POMGNT1: variants seen among roughly 807,000 people sequenced by gnomAD.
The protein encoded by POMGNT1 is protein O-linked-mannose beta-1,2-N-acetylglucosaminyltransferase 1.
Under a neutral mutation model 95.6 loss-of-function variants are expected in POMGNT1, and 67 were observed. That is an observed-to-expected ratio of 0.70 (90% CI 0.58 to 0.86). The LOEUF (loss-of-function observed/expected upper bound fraction) is 0.86. POMGNT1 is among the 40% of genes least tolerant of loss of function. POMGNT1 has a pLI of 0.00. For missense variants in POMGNT1, 719 were observed against 855.2 expected (o/e 0.84, Z 1.99); for synonymous variants, 298 against 317.9 (o/e 0.94, Z 0.66).
chr1:46,197,364 T>C (rs750593442), intron 2 of POMGNT1: 17 of 1,480,914 alleles, frequency 1.1e-5, no homozygotes, highest in Non-Finnish European at 1.5e-5. Context: ...CCCTCCATTG[T>C]TGGTTTCTAG....
At chr1:46,206,550 C>A (rs138209775) in intron 1 of POMGNT1, among the ~76,000 whole-genome samples, 2 of 152,266 alleles carry the variant, frequency 1.3e-5, no homozygotes, top group East Asian at 3.9e-4. Context: ...CTCTCCTGAG[C>A]TGTTTATCCT....
rs1027415099 is a variant in POMGNT1, at chr1:46,193,589, G to A, written c.1001C>T (p.Thr334Ile). 1.2e-6 allele frequency: 2 copies of A among 1,614,170 alleles called. No homozygotes were observed. The highest frequency in any genetic ancestry group is 1.7e-6 in the Non-Finnish European group (2 of 1,180,022). ...CTCATAGTAGCCGTCAATGAAAACT[G>A]TTATCATCTGAGGAGACACCCCCTG... ...SAQGVSPQMI[T>I]VFIDGYYEEP... The change falls in exon 11 of 22, where the codon ACA becomes ATA. Residue 334 changes from threonine (T) to isoleucine (I), a missense_variant. By Grantham distance (89) the Thr-to-Ile change is moderately conservative. Around this residue, in one of 5 missense-constraint regions of POMGNT1, gnomAD observed 466 missense variants for 517.4 expected, o/e 0.90. Coordinates refer to ENST00000371984, the MANE Select transcript of POMGNT1 (RefSeq NM_017739.4).
upstream of POMGNT1, among the ~76,000 whole-genome samples, chr1:46,201,453 A>C (rs907664714): frequency 6.6e-6 from 1 of 152,080 alleles, no homozygotes; most frequent in African/African-American, 2.4e-5. Flanking sequence ...TAATCCCAGC[A>C]CTTTGGGAGG....
intron 1 of POMGNT1, among the ~76,000 whole-genome samples, chr1:46,207,848 A>G (rs1228823886): frequency 6.9e-6 from 1 of 144,244 alleles, no homozygotes; most frequent in Non-Finnish European, 1.5e-5. Flanking sequence ...TGAACTTTTC[A>G]TTTTTAAATT....
At position 46,198,418 on chromosome 1, in the gene POMGNT1, A is replaced by T. The variant is rs1390501175; in HGVS notation, c.-133T>A. ...GCTCGCCGCGGCCTCCGCCTCCTCC[A>T]TGCCGCTTGCGGCCCCGCCCCGGCC... On this transcript the variant is annotated 5_prime_UTR_variant, in exon 1 of 22. The change abolishes an upstream ATG in the 5' untranslated region. Coordinates refer to ENST00000371984, the MANE Select transcript of POMGNT1 (RefSeq NM_017739.4). 6.7e-6 allele frequency: 1 copy of T among 150,036 alleles called. No homozygotes were observed. Among genetic ancestry groups the T allele is most frequent in the Non-Finnish European group, 1.5e-5 (1 of 67,162 alleles). The allele number at this position is 150,036 out of a possible 1,614,324, so 9.3% of individuals were successfully genotyped here.
chr1:46,193,315 C>T lies in POMGNT1; in HGVS notation c.1100G>A (p.Arg367His), dbSNP rs762972459. The change falls in exon 12 of 22, where the codon CGC (arginine) becomes CAC (histidine). Residue 367 changes from arginine (R) to histidine (H), a missense_variant. By Grantham distance (29) the Arg-to-His change is conservative. Around this residue, in one of 5 missense-constraint regions of POMGNT1, gnomAD observed 466 missense variants for 517.4 expected, o/e 0.90. Coordinates refer to ENST00000371984, the MANE Select transcript of POMGNT1 (RefSeq NM_017739.4). The stretch of plus-strand genomic sequence containing the variant: ...TTGCCTATGCAGTACCTGAGACACG[C>T]GGGCATTCTTGATGCTGATGGGAGT... ...QHTPISIKNA[R>H]VSQHYKASLT... 9.9e-6 allele frequency: 16 copies of T among 1,613,610 alleles called. No individual in the cohort carries two copies. Among genetic ancestry groups the T allele is most frequent in the African/African-American group, 1.3e-5 (1 of 74,904 alleles).
rs558520771 is a variant in POMGNT1 at position 46,193,510 on chromosome 1, T to C, written c.1026+54A>G. 589 of 1,613,872 alleles carry C rather than the reference T, an allele frequency of 3.6e-4. 10 individuals are homozygous for C. In the South Asian group the frequency reaches 6.3e-3, roughly 17 times the overall value. ...GGTCTCCCTTGCCCGTCCCTGGCAATCACTGCTGCTCCATGTTGTACTCCA... is the reference window on the plus strand; with the variant it reads ...GGTCTCCCTTGCCCGTCCCTGGCAACCACTGCTGCTCCATGTTGTACTCCA... On this transcript the variant is annotated intron_variant, in intron 11 of 21. Transcript: ENST00000371984.
chr1:46,189,049 C>T lies in POMGNT1; in HGVS notation c.*221G>A, dbSNP rs181362801. On this transcript the variant is annotated 3_prime_UTR_variant, in exon 22 of 22. Transcript: ENST00000371984. The stretch of plus-strand genomic sequence containing the variant: ...ATCGTAATGATTCCCAGGTACTCTC[C>T]TGCCCTTCTCCAACAAGGAAGTAAA... The T allele has an allele frequency of 2.5e-3, 3,839 of 1,539,064 alleles. 28 individuals carry two copies. Among genetic ancestry groups the T allele is most frequent in the Non-Finnish European group, 2.1e-3 (2,417 of 1,148,558 alleles).
At chr1:46,190,939 A>G in intron 17 of POMGNT1, 155 bp from the exon 18 acceptor site, 1 of 727,528 alleles carries the variant, frequency 1.4e-6, no homozygotes, top group East Asian at 2.8e-5. Flanking sequence ...TCTTTGCAGC[A>G]TCCTCAGCAA....
exon 1 of POMGNT1, chr1:46,220,146 G>A: frequency 6.2e-7 from 1 of 1,614,202 alleles, no homozygotes; most frequent in Non-Finnish European, 8.5e-7. Context: ...GTCACCAGAG[G>A]ATGAGAGTGC....
At chr1:46,203,716 G>A in intron 1 of POMGNT1, 6 of 1,305,784 alleles carry the variant, frequency 4.6e-6, no homozygotes, top group Admixed American at 2.6e-5. Flanking sequence ...CTGGAGAGGA[G>A]GTAGTTAAAA....
At position 46,189,512 on chromosome 1, in the gene POMGNT1, A is replaced by G. The variant is rs1364587778; in HGVS notation, c.1841T>C (p.Leu614Ser). 6.2e-7 allele frequency: 1 copy of G among 1,613,700 alleles called. No individual in the cohort carries two copies. The highest frequency in any genetic ancestry group is 8.5e-7 in the Non-Finnish European group (1 of 1,179,824). ...CAGGAAGTGGTTCTTCTTCCGAAAC[A>G]ATCTCCACAGGCCCCGATGGTTGCC... is the stretch of plus-strand genomic sequence containing the variant. Reference protein sequence around the residue: ...VRGNHRGLWRLFRKKNHFLMV... With the variant: ...VRGNHRGLWRSFRKKNHFLMV... Residue 614 changes from leucine (L) to serine (S), a missense_variant, in exon 21 of 22, where the codon TTG becomes TCG. Leu to Ser is a moderately radical substitution (Grantham distance 145). Around this residue, in one of 5 missense-constraint regions of POMGNT1, gnomAD observed 130 missense variants for 149.2 expected, o/e 0.87. Transcript: ENST00000371984.
rs577073745 is a variant in POMGNT1 at position 46,218,225 on chromosome 1, G to A, written c.-51+1480C>T. 2.0e-5 allele frequency among the ~76,000 whole-genome samples: 3 copies of A among 152,206 alleles called. No homozygotes were observed. The South Asian group carries it at 6.2e-4, about 32-fold the overall frequency. On this transcript the variant is annotated intron_variant, in intron 1 of 22. Transcript: ENST00000371992. ...TGGGCAACAAGGTGAGACCTTGTCT[G>A]TACAAAAAATAAAATTAGCCAGGTG... is the stretch of plus-strand genomic sequence containing the variant.
chr1:46,196,952 T>C lies in POMGNT1; in HGVS notation c.235+18A>G. The stretch of plus-strand genomic sequence containing the variant: ...GTGAGATCCAAGGCCCCCTACCCCA[T>C]CCTTAGCCTAGCCCTACCATAGTCT... On this transcript the variant is annotated intron_variant, in intron 3 of 21. Coordinates refer to ENST00000371984, the MANE Select transcript of POMGNT1 (RefSeq NM_017739.4). The surrounding 1 kb of genome is among the most constrained non-coding windows in gnomAD (Gnocchi z 4.4). 6.2e-7 allele frequency: 1 copy of C among 1,614,164 alleles called. No homozygotes were observed. Among genetic ancestry groups the C allele is most frequent in the Non-Finnish European group, 8.5e-7 (1 of 1,180,004 alleles).
At chr1:46,199,995 C>T (rs1355041184), upstream of POMGNT1, among the ~76,000 whole-genome samples, 1 of 152,012 alleles carries the variant, frequency 6.6e-6, no homozygotes, top group Non-Finnish European at 1.5e-5. Context: ...CGCGGTGAAA[C>T]CCCGTCTCTA....
intron 1 of POMGNT1, among the ~76,000 whole-genome samples, chr1:46,207,084 A>ATTTT (rs56059506): frequency 6.9e-6 from 1 of 143,960 alleles, no homozygotes; most frequent in East Asian, 2.0e-4. Flanking sequence ...GAGTCCTTCT[A>ATTTT]TTTTTTTTTT....
In POMGNT1 at chr1:46,216,043, C is replaced by CTTTTTTTTTTTTTTTTT. The variant is rs141982741; in HGVS notation, c.-51+3645_-51+3661dup. On this transcript the variant is annotated intron_variant, in intron 1 of 22. Transcript: ENST00000371992. ...AAAATAATTTCAACTTTTATTTTAT[C>CTTTTTTTTTTTTTTTTT]TTTTTTTTTTTTTTTTTTTTTTTGT... Among the ~76,000 whole-genome samples, 3 of 92,540 alleles carry CTTTTTTTTTTTTTTTTT rather than the reference C, an allele frequency of 3.2e-5. 1 individual carries two copies. The highest frequency in any genetic ancestry group is 1.9e-5 in the Non-Finnish European group (1 of 52,058). 60.7% of individuals were successfully genotyped at this position (92,540 alleles called of 152,430 possible).
In POMGNT1 at chr1:46,194,670, G is replaced by A; in HGVS notation, c.653-19C>T. ...ACAGGACCTGGCAGGAGGCAGGAAT[G>A]AGGGCCATGGGGGCCCAGACACCAG... is the stretch of plus-strand genomic sequence containing the variant. On this transcript the variant is annotated intron_variant, in intron 7 of 21. Coordinates refer to ENST00000371984, the MANE Select transcript of POMGNT1 (RefSeq NM_017739.4). 1 of 1,614,254 alleles carries A rather than the reference G, an allele frequency of 6.2e-7. No individual in the cohort carries two copies. The highest frequency in any genetic ancestry group is 8.5e-7 in the Non-Finnish European group (1 of 1,180,048).
chr1:46,198,621 G>C (rs371106133), upstream of POMGNT1, among the ~76,000 whole-genome samples: 84 of 152,304 alleles, frequency 5.5e-4, 1 homozygote, highest in East Asian at 0.014. Flanking sequence ...TCGCAGCCCG[G>C]CTGGCTGGTG....
Sources: allele counts gnomAD v4.1 joint callset (sites outside exome capture counted in the v4.1 genomes callset), GRCh38; gene constraint gnomAD v4.1.1; regional missense constraint gnomAD v4.1.1; non-coding constraint Gnocchi (gnomAD v3.1); transcripts MANE v1.5; gene names NCBI Gene and HGNC (gene_info 2026-07-23, HGNC 2026-07-21).